PPARD: variants seen among roughly 807,000 people sequenced by gnomAD.
PPARD encodes peroxisome proliferator activated receptor delta, also known as peroxisome proliferator-activated receptor delta.
In PPARD, 6 loss-of-function variants were observed where a neutral mutation model predicts 39.5. The ratio of observed to expected loss-of-function variants is 0.15; its 90% CI spans 0.08 to 0.30. The LOEUF (loss-of-function observed/expected upper bound fraction) is 0.30, where lower values mean the gene tolerates loss of function less well. Ranked by LOEUF, PPARD falls within the 10% of genes least tolerant of loss-of-function variation. The pLI is 1.00. For missense variants in PPARD, 397 were observed against 596.8 expected (o/e 0.67, Z 3.49); for synonymous variants, 210 against 231.3 (o/e 0.91, Z 0.83).
chr6:35,420,797 T>C (rs1766099603), intron 4 of PPARD, among the ~76,000 whole-genome samples: 1 of 151,294 alleles, frequency 6.6e-6, no homozygotes, highest in Non-Finnish European at 1.5e-5. Flanking sequence ...GACAATCTTA[T>C]GTTACCAAAC....
intron 3 of PPARD, among the ~76,000 whole-genome samples, chr6:35,417,126 A>T (rs545184237): frequency 1.2e-4 from 18 of 152,088 alleles, no homozygotes; most frequent in African/African-American, 4.3e-4. Flanking sequence ...CCTCCCAAGT[A>T]TCTGGGACTA....
At chr6:35,403,464 C>T (rs750042338) in intron 2 of PPARD, among the ~76,000 whole-genome samples, 2 of 151,748 alleles carry the variant, frequency 1.3e-5, no homozygotes, top group Middle Eastern at 3.4e-3. Flanking sequence ...TATTGCATCT[C>T]GATGGCAGTA....
At chr6:35,378,037 T>G (rs9296149) in intron 2 of PPARD, among the ~76,000 whole-genome samples, 19,550 of 151,584 alleles carry the variant, frequency 0.13, 2,827 homozygotes, top group African/African-American at 0.35. Flanking sequence ...CTAATTTTTG[T>G]ATTTTTAGTA....
At chr6:35,346,873 C>T (rs1254063183) in intron 1 of PPARD, among the ~76,000 whole-genome samples, 194 bp from the exon 2 acceptor site, 2 of 152,200 alleles carry the variant, frequency 1.3e-5, no homozygotes, top group Non-Finnish European at 2.9e-5. Context: ...TGAGCAGACT[C>T]CTTCCAGGAT....
At chr6:35,358,224 A>T (rs1201479353) in intron 2 of PPARD, among the ~76,000 whole-genome samples, 1 of 152,196 alleles carries the variant, frequency 6.6e-6, no homozygotes, top group Non-Finnish European at 1.5e-5. Flanking sequence ...GCAAGATGCT[A>T]CACTGCTGGC....
At position 35,424,796 on chromosome 6, in the gene PPARD, C is replaced by T; in HGVS notation, c.1078+17C>T. 1 of 1,608,862 alleles carries T rather than the reference C, an allele frequency of 6.2e-7. No individual in the cohort carries two copies. ...TGTGTGGAGGTGAGTGAGAGTGGGG[C>T]AGGTGGGCTGGCCTGGCACACCCAG... On this transcript the variant is annotated intron_variant, in intron 7 of 7. Transcript: ENST00000360694. This position sits in a 1 kb window ranked among gnomAD's most constrained non-coding sequence, Gnocchi z 7.1.
chr6:35,410,235 G>A (rs549139621), intron 2 of PPARD, among the ~76,000 whole-genome samples: 30 of 152,278 alleles, frequency 2.0e-4, no homozygotes, highest in African/African-American at 6.5e-4. Context: ...ACATTTCCCC[G>A]CTGGGAGACT....
At position 35,412,547 on chromosome 6, in the gene PPARD, T is replaced by G. The variant is rs138869133; in HGVS notation, c.130+1330T>G. 3.9e-3 allele frequency among the ~76,000 whole-genome samples: 588 copies of G among 152,340 alleles called. 1 individual carries two copies. Among genetic ancestry groups the G allele is most frequent in the Admixed American group, 7.3e-3 (111 of 15,306 alleles). On this transcript the variant is annotated intron_variant, in intron 3 of 7. Transcript: ENST00000360694. The surrounding 1 kb of genome is among the most constrained non-coding windows in gnomAD (Gnocchi z 4.1). ...AGGCTGTGGAGGTAGCGCAGGCTCC[T>G]GTTTGGGTCTGCAGCTAAGATGGGT...
chr6:35,351,861 C>CTTTTTTT lies in PPARD; in HGVS notation c.-102+4729_-102+4735dup, dbSNP rs774957372. Among the ~76,000 whole-genome samples, 810 of 87,230 alleles carry CTTTTTTT rather than the reference C, an allele frequency of 9.3e-3. 4 individuals carry two copies. Among genetic ancestry groups the CTTTTTTT allele is most frequent in the African/African-American group, 0.017 (304 of 17,904 alleles). The allele number at this position is 87,230 out of a possible 152,430, so 57.2% of individuals were successfully genotyped here. On this transcript the variant is annotated intron_variant, in intron 2 of 7. Transcript: ENST00000360694. Reference sequence around the variant, plus strand: ...ATAGGCATGAGCCACCACACCCAGCCTTTTTTTTTTTTTTTTTTTTTTTTG... The same window carrying CTTTTTTT: ...ATAGGCATGAGCCACCACACCCAGCCTTTTTTTTTTTTTTTTTTTTTTTTTTTTTTTG...
Position 35,425,176 on chromosome 6 carries a change from A to G in PPARD, c.1078+397A>G. On this transcript the variant is annotated intron_variant, in intron 7 of 7. Transcript: ENST00000360694. The surrounding 1 kb of genome is among the most constrained non-coding windows in gnomAD (Gnocchi z 4.5). ...GTAATCCCAGCTACTTGGGAGGCTG[A>G]GCCAGGAGAATCGCTTGAACCCGAG... The G allele has an allele frequency of 1.2e-6, 1 of 833,018 alleles. No individual in the cohort carries two copies. The highest frequency in any genetic ancestry group is 1.5e-6 in the Non-Finnish European group (1 of 672,162). 51.6% of individuals were successfully genotyped at this position (833,018 alleles called of 1,614,324 possible). A position where few individuals can be genotyped will look rare whatever the true frequency, so the allele number is the denominator to read the frequency against.
intron 2 of PPARD, among the ~76,000 whole-genome samples, chr6:35,409,984 A>G (rs1261154142): frequency 6.6e-6 from 1 of 152,166 alleles, no homozygotes; most frequent in Admixed American, 6.5e-5. Context: ...GCAGGGAGAG[A>G]GAGCAGAAGG....
chr6:35,379,708 T>C (rs1238365215), intron 2 of PPARD, among the ~76,000 whole-genome samples: 1 of 152,252 alleles, frequency 6.6e-6, no homozygotes, highest in Non-Finnish European at 1.5e-5. Context: ...GGAGCTGTTC[T>C]CTTTCTGAGG....
chr6:35,421,320 G>T (rs77024784), intron 4 of PPARD, among the ~76,000 whole-genome samples: 1,955 of 23,766 alleles, frequency 0.082, 17 homozygotes, highest in Non-Finnish European at 0.21. Flanking sequence ...TTTTTTTTTT[G>T]TTTTGTTTTG....
intron 1 of PPARD, 45 bp from the exon 2 acceptor site, chr6:35,347,021 CT>C (rs1367752962): frequency 1.6e-5 from 21 of 1,291,208 alleles, no homozygotes; most frequent in Non-Finnish European, 2.2e-5. Context: ...TTGAGGGCCC[CT>C]GGCACCTGTC....
intron 2 of PPARD, among the ~76,000 whole-genome samples, chr6:35,383,988 T>G (rs1338150851): frequency 7.6e-5 from 8 of 105,902 alleles, no homozygotes; most frequent in African/African-American, 2.4e-4. Context: ...GGGAGGGAGG[T>G]GGGGGGGTCA....
rs535681332 is a variant in PPARD, at chr6:35,389,013, G to T, written c.-101-21974G>T. On this transcript the variant is annotated intron_variant, in intron 2 of 7. Transcript: ENST00000360694. ...GCAAAACTAGCTGATGGTGATAGAG[G>T]TCAGAAGAGTGGTTTACAGCCAGGC... Among the ~76,000 whole-genome samples, 3 of 152,178 alleles carry T rather than the reference G, an allele frequency of 2.0e-5. No individual in the cohort carries two copies. In the South Asian group the frequency reaches 6.2e-4, roughly 32 times the overall value.
At chr6:35,414,756 C>T (rs1460458020) in intron 3 of PPARD, among the ~76,000 whole-genome samples, 3 of 152,128 alleles carry the variant, frequency 2.0e-5, no homozygotes, top group Non-Finnish European at 2.9e-5. Context: ...CCTCGGGAGT[C>T]CCCTGAGGGA....
chr6:35,385,600 C>A (rs1355886440), intron 2 of PPARD, among the ~76,000 whole-genome samples: 2 of 139,314 alleles, frequency 1.4e-5, no homozygotes, highest in African/African-American at 5.3e-5. Context: ...CCAAATCCCC[C>A]TCTGTGAGAA....
At chr6:35,383,944 G>A (rs1166604502) in intron 2 of PPARD, among the ~76,000 whole-genome samples, 23 of 126,688 alleles carry the variant, frequency 1.8e-4, no homozygotes, top group Non-Finnish European at 2.9e-4. Flanking sequence ...AGGTGGGGGG[G>A]GTCAGCCCCC....
Sources: allele counts gnomAD v4.1 joint callset (sites outside exome capture counted in the v4.1 genomes callset), GRCh38; gene constraint gnomAD v4.1.1; non-coding constraint Gnocchi (gnomAD v3.1); transcripts MANE v1.5; gene names NCBI Gene and HGNC (gene_info 2026-07-23, HGNC 2026-07-21).